Variants in SYCP3 observed in about 807,000 individuals in gnomAD.
SYCP3 encodes synaptonemal complex protein 3.
Under a neutral mutation model 38.5 loss-of-function variants are expected in SYCP3, and 29 were observed. The observed-to-expected ratio is 0.75, with a 90% CI of 0.56 to 1.03. SYCP3 has a LOEUF of 1.03. Among genes scored for constraint, SYCP3 ranks in the 50% least tolerant of loss-of-function variants. The pLI is 0.00. For missense variants in SYCP3, 242 were observed against 270.7 expected, an observed-to-expected ratio of 0.89 and a Z score of 0.74; for synonymous variants, 79 against 80.3, an observed-to-expected ratio of 0.98 and a Z score of 0.08.
Position 101,728,925 on chromosome 12 carries a change from C to T in SYCP3, c.*2G>A. On this transcript the variant is annotated 3_prime_UTR_variant, in exon 9 of 9. Coordinates refer to ENST00000392924, the MANE Select transcript of SYCP3 (RefSeq NM_001177949.2). ...GGTTCAAGTTCTTTCTTCAAAGAGT[C>T]ATCAGAATAACATGGATTGAAGAGA... The T allele has an allele frequency of 6.2e-7, 1 of 1,613,456 alleles. No individual in the cohort carries two copies.
Position 101,739,297 on chromosome 12 carries a change from G to A in SYCP3, c.-18+54C>T, listed in dbSNP as rs535658885. 1.8e-4 allele frequency: 184 copies of A among 1,002,514 alleles called. No homozygotes were observed. The African/African-American group carries it at 3.0e-3, about 16-fold the overall frequency. 62.1% of individuals were successfully genotyped at this position (1,002,514 alleles called of 1,614,324 possible). A position where few individuals can be genotyped will look rare whatever the true frequency, so the allele number is the denominator to read the frequency against. ...AGGTAAGATTTACCTCACTGGTCAAGGGCAGCCTCTGGCCTGGACACCTGC... is the reference window on the plus strand; with the variant it reads ...AGGTAAGATTTACCTCACTGGTCAAAGGCAGCCTCTGGCCTGGACACCTGC... On this transcript the variant is annotated intron_variant, in intron 1 of 8. Transcript: ENST00000392924.
chr12:101,729,582 G>T, intron 7 of SYCP3: 1 of 183,764 alleles, frequency 5.4e-6, no homozygotes, highest in South Asian at 1.2e-4. Flanking sequence ...TTCACTAGAG[G>T]GAATAAAATA....
intron 1 of SYCP3, among the ~76,000 whole-genome samples, chr12:101,738,695 C>T (rs1482062867): frequency 1.3e-5 from 2 of 152,224 alleles, no homozygotes; most frequent in African/African-American, 4.8e-5. Flanking sequence ...GAGATGGCCC[C>T]ACTGCACTCC....
intron 1 of SYCP3, among the ~76,000 whole-genome samples, chr12:101,738,734 T>G (rs1952575602): frequency 6.6e-6 from 1 of 152,120 alleles, no homozygotes; most frequent in Non-Finnish European, 1.5e-5. Flanking sequence ...AGACTTCGTC[T>G]CAATCAATCA....
intron 2 of SYCP3, 186 bp from the exon 3 acceptor site, chr12:101,737,484 T>C: frequency 3.0e-6 from 2 of 669,218 alleles, no homozygotes; most frequent in Non-Finnish European, 5.0e-6. Context: ...TTCAGGACCA[T>C]TTTATAGGAA....
At chr12:101,738,770 C>T (rs138588094) in intron 1 of SYCP3, among the ~76,000 whole-genome samples, 1 of 152,282 alleles carries the variant, frequency 6.6e-6, no homozygotes, top group East Asian at 1.9e-4. Context: ...TGACAGTGTC[C>T]ACCCCGACTC....
At position 101,733,677 on chromosome 12, in the gene SYCP3, G is replaced by A. The variant is rs772656021; in HGVS notation, c.354-3C>T. 1.9e-6 allele frequency: 3 copies of A among 1,608,420 alleles called. No individual in the cohort carries two copies. Among genetic ancestry groups the A allele is most frequent in the African/African-American group, 1.3e-5 (1 of 75,012 alleles). On this transcript the variant is annotated splice_polypyrimidine_tract_variant and splice_region_variant and intron_variant, in intron 5 of 8. Transcript: ENST00000392924. ...AATATTCTTGGTTAAGCTTCTGCCT[G>A]TAAAACATAATGATGAATTATTGTC...
Position 101,734,910 on chromosome 12 carries a change from A to G in SYCP3, c.353+17T>C. ...ATACTAAGAAATGTGGCTCTAAAAA[A>G]AAAGCAACCACCTTACCTTTGATCT... On this transcript the variant is annotated intron_variant, in intron 5 of 8. Transcript: ENST00000392924. 6.4e-7 allele frequency: 1 copy of G among 1,552,582 alleles called. No individual in the cohort carries two copies. The highest frequency in any genetic ancestry group is 8.9e-7 in the Non-Finnish European group (1 of 1,124,176).
chr12:101,738,890 T>A (rs185278208), intron 1 of SYCP3, among the ~76,000 whole-genome samples: 2 of 152,190 alleles, frequency 1.3e-5, no homozygotes. Context: ...GGGCGCTCAG[T>A]CACGCGGGGA....
chr12:101,735,871 A>ATTTTT (rs201568592), intron 4 of SYCP3, among the ~76,000 whole-genome samples: 66 of 74,596 alleles, frequency 8.8e-4, no homozygotes, highest in African/African-American at 1.7e-3. Context: ...ATATATATAT[A>ATTTTT]TTTTTTTTTT....
At position 101,737,932 on chromosome 12, in the gene SYCP3, C is replaced by A. The variant is rs773388342; in HGVS notation, c.4G>T (p.Val2Leu). Residue 2 changes from valine to leucine, a missense_variant, in exon 2 of 9, where the codon GTG becomes TTG. Val to Leu is a conservative substitution (Grantham distance 32). Coordinates refer to ENST00000392924, the MANE Select transcript of SYCP3 (RefSeq NM_001177949.2). The part of the protein sequence containing the change: M[V>L]SSGKKYSRKS... ...CTGGAATACTTTTTTCCGGAGGACA[C>A]CATATTTAGATGCTTCCTGACTTTA... is the stretch of plus-strand genomic sequence containing the variant. 6 of 1,614,086 alleles carry A rather than the reference C, an allele frequency of 3.7e-6. No individual in the cohort carries two copies. The South Asian group carries it at 6.6e-5, about 18-fold the overall frequency.
Position 101,737,906 on chromosome 12 carries a change from C to T in SYCP3, c.30G>A (p.Arg10=), listed in dbSNP as rs1408952830. The change falls in exon 2 of 9, where the codon AGG becomes AGA. Residue 10 remains arginine (R), a synonymous_variant. Coordinates refer to ENST00000392924, the MANE Select transcript of SYCP3 (RefSeq NM_001177949.2). Reference sequence around the variant, plus strand: ...CTTCCACAGACGGCTTCCCAGATTTCCTGGAATACTTTTTTCCGGAGGACA... The same window carrying T: ...CTTCCACAGACGGCTTCCCAGATTTTCTGGAATACTTTTTTCCGGAGGACA... MVSSGKKYS[R]KSGKPSVEDQ... 3 of 1,614,010 alleles carry T rather than the reference C, an allele frequency of 1.9e-6. No homozygotes were observed. The highest frequency in any genetic ancestry group is 1.7e-6 in the Non-Finnish European group (2 of 1,180,016).
chr12:101,731,535 T>C (rs1482249547), intron 7 of SYCP3, 33 bp downstream of exon 7: 3 of 1,385,288 alleles, frequency 2.2e-6, no homozygotes, highest in East Asian at 4.7e-5. Flanking sequence ...TTATGTTTTA[T>C]AACGATGTAT....
intron 4 of SYCP3, among the ~76,000 whole-genome samples, chr12:101,736,746 C>G (rs1952462611): frequency 6.6e-6 from 1 of 150,532 alleles, no homozygotes; most frequent in South Asian, 2.1e-4. Context: ...GTGTGTATCA[C>G]TTAGTCTGTG....
chr12:101,739,440 G>A lies in SYCP3; in HGVS notation c.-107C>T, dbSNP rs1052571049. ...TCCACAAGCGCGCTTCACCTGAGGT[G>A]GCCCCTTCTCCGCGACGCTTCTGAG... On this transcript the variant is annotated 5_prime_UTR_variant, in exon 1 of 9. Coordinates refer to ENST00000392924, the MANE Select transcript of SYCP3 (RefSeq NM_001177949.2). 3.0e-6 allele frequency: 3 copies of A among 1,002,580 alleles called. No individual in the cohort carries two copies. The highest frequency in any genetic ancestry group is 1.1e-4 in the East Asian group (1 of 8,824). 62.1% of individuals were successfully genotyped at this position (1,002,580 alleles called of 1,614,324 possible). A position where few individuals can be genotyped will look rare whatever the true frequency, so the allele number is the denominator to read the frequency against.
At chr12:101,734,723 T>C (rs553010623) in intron 5 of SYCP3, among the ~76,000 whole-genome samples, 12 of 152,296 alleles carry the variant, frequency 7.9e-5, no homozygotes, top group Admixed American at 2.6e-4. Flanking sequence ...AATTTTTGTA[T>C]TTTTAGTAGA....
Position 101,733,579 on chromosome 12 carries a change from AT to A in SYCP3, c.448del (p.Ile150TyrfsTer23). On this transcript the variant is annotated frameshift_variant, in exon 6 of 9. Coordinates refer to ENST00000392924, the MANE Select transcript of SYCP3 (RefSeq NM_001177949.2). LOFTEE classifies it high-confidence loss of function. ...MQKAEEQEEK[I>X]LNMFRQQQKI... Reference sequence around the variant, plus strand: ...AAACCTAATCATGATACCAACAAGTATTTTTTCTTCTTGTTCCTCAGCTTTC... The same window carrying A: ...AAACCTAATCATGATACCAACAAGTATTTTTCTTCTTGTTCCTCAGCTTTC... 2 of 1,611,982 alleles carry A rather than the reference AT, an allele frequency of 1.2e-6. No homozygotes were observed. The highest frequency in any genetic ancestry group is 1.7e-6 in the Non-Finnish European group (2 of 1,179,616).
intron 4 of SYCP3, among the ~76,000 whole-genome samples, chr12:101,735,871 A>ATTTTTTTTTTT (rs201568592): frequency 7.4e-4 from 55 of 74,450 alleles, no homozygotes; most frequent in Non-Finnish European, 8.3e-4. Context: ...ATATATATAT[A>ATTTTTTTTTTT]TTTTTTTTTT....
In SYCP3 at chr12:101,731,225, A is replaced by G. The variant is rs17031934; in HGVS notation, c.552+343T>C. On this transcript the variant is annotated intron_variant, in intron 7 of 8. Transcript: ENST00000392924. The stretch of plus-strand genomic sequence containing the variant: ...TTTAACAAACACTGGGGATAAAAAA[A>G]CAAGTAAAATACAACCTAAAAATGA... Among the ~76,000 whole-genome samples, 895 of 152,332 alleles carry G rather than the reference A, an allele frequency of 5.9e-3. 6 individuals carry two copies. Among genetic ancestry groups the G allele is most frequent in the African/African-American group, 0.021 (854 of 41,588 alleles).
Sources: allele counts gnomAD v4.1 joint callset (sites outside exome capture counted in the v4.1 genomes callset), GRCh38; gene constraint gnomAD v4.1.1; transcripts MANE v1.5; gene names NCBI Gene and HGNC (gene_info 2026-07-23, HGNC 2026-07-21).